PTPRD: variants seen among roughly 807,000 people sequenced by gnomAD.
PTPRD encodes receptor-type tyrosine-protein phosphatase delta.
A neutral mutation model predicts 214.5 loss-of-function variants in PTPRD; 34 were observed. The observed-to-expected ratio is 0.16, with a 90% CI of 0.12 to 0.21. The LOEUF (loss-of-function observed/expected upper bound fraction) is 0.21, where lower values mean the gene tolerates loss of function less well. PTPRD is among the 10% of genes least tolerant of loss of function. The pLI, the probability that PTPRD is intolerant of heterozygous loss-of-function variation, is 1.00. For synonymous variants in PTPRD, 1,128 were observed against 845.7 expected, an observed-to-expected ratio of 1.33 and a Z score of -5.79; for missense variants, 2,545 against 2,398.7, an observed-to-expected ratio of 1.06 and a Z score of -1.27.
At chr9:8,587,122 C>G (rs542481216) in intron 14 of PTPRD, among the ~76,000 whole-genome samples, 1 of 152,148 alleles carries the variant, frequency 6.6e-6, no homozygotes, top group Non-Finnish European at 1.5e-5. Context: ...TGCACTCCAG[C>G]CTGGGCGACA....
chr9:10,502,770 T>A (rs182313559), intron 2 of PTPRD, among the ~76,000 whole-genome samples: 6 of 152,166 alleles, frequency 3.9e-5, no homozygotes, highest in African/African-American at 1.4e-4. Context: ...AAGAAACCAG[T>A]TGACCCATAA....
intron 11 of PTPRD, among the ~76,000 whole-genome samples, chr9:9,016,570 C>A (rs1028846128): frequency 6.6e-6 from 1 of 152,124 alleles, no homozygotes. Context: ...AAGGCACCCA[C>A]AGCAGGATAT....
chr9:8,801,965 CACTT>C (rs1036740962), intron 11 of PTPRD, among the ~76,000 whole-genome samples: 1 of 152,124 alleles, frequency 6.6e-6, no homozygotes, highest in Admixed American at 6.6e-5. Context: ...AGATAATTCC[CACTT>C]ACTTTACCTC....
At chr9:8,700,394 G>A (rs1043311700) in intron 12 of PTPRD, among the ~76,000 whole-genome samples, 2 of 152,160 alleles carry the variant, frequency 1.3e-5, no homozygotes, top group Non-Finnish European at 1.5e-5. Flanking sequence ...TTATCATCAT[G>A]ATGTACTTAA....
At chr9:8,414,064 A>G (rs879558173) in intron 35 of PTPRD, among the ~76,000 whole-genome samples, 7 of 152,224 alleles carry the variant, frequency 4.6e-5, no homozygotes, top group Non-Finnish European at 1.0e-4. Context: ...TGGAATGAAT[A>G]GCTAAGATAC....
At position 10,483,519 on chromosome 9, in the gene PTPRD, A is replaced by G. The variant is rs12115675; in HGVS notation, c.-600+128879T>C. ...TACAGAATGAAAAAAAAAATTGTCA[A>G]CTCTGCACCTGACAAAAGACTAATA... is the stretch of plus-strand genomic sequence containing the variant. On this transcript the variant is annotated intron_variant, in intron 2 of 45. Transcript: ENST00000381196. 6.5e-3 allele frequency among the ~76,000 whole-genome samples: 991 copies of G among 152,140 alleles called. 8 individuals are homozygous for G. The highest frequency in any genetic ancestry group is 9.4e-3 in the Non-Finnish European group (637 of 67,968).
intron 4 of PTPRD, among the ~76,000 whole-genome samples, chr9:10,008,091 A>G (rs1371306170): frequency 6.6e-6 from 1 of 151,926 alleles, no homozygotes; most frequent in Non-Finnish European, 1.5e-5. Flanking sequence ...AATTTGATAA[A>G]AGGTGAGAAA....
At chr9:10,413,442 G>A (rs1382071147) in intron 2 of PTPRD, among the ~76,000 whole-genome samples, 2 of 151,754 alleles carry the variant, frequency 1.3e-5, no homozygotes, top group African/African-American at 4.8e-5. Flanking sequence ...ACAAAATATT[G>A]CCCAAAGAAT....
At chr9:8,728,722 G>A (rs1407975573) in intron 12 of PTPRD, among the ~76,000 whole-genome samples, 10 of 152,272 alleles carry the variant, frequency 6.6e-5, no homozygotes, top group South Asian at 4.1e-4. Flanking sequence ...GCTCACACCT[G>A]TAATACCAGC....
chr9:9,404,210 G>C (rs1036947705), intron 8 of PTPRD, among the ~76,000 whole-genome samples: 3 of 152,058 alleles, frequency 2.0e-5, no homozygotes, highest in Non-Finnish European at 1.5e-5. Context: ...AGTCATTGGA[G>C]GGTTTTAAGA....
At chr9:9,064,218 T>C (rs901156204) in intron 10 of PTPRD, among the ~76,000 whole-genome samples, 1 of 152,196 alleles carries the variant, frequency 6.6e-6, no homozygotes, top group Non-Finnish European at 1.5e-5. Flanking sequence ...GTATATTGTT[T>C]GTTATTGCTA....
chr9:8,430,050 T>C (rs1249753323), intron 35 of PTPRD, among the ~76,000 whole-genome samples: 1 of 152,080 alleles, frequency 6.6e-6, no homozygotes, highest in Non-Finnish European at 1.5e-5. Flanking sequence ...TCAGAAAAAA[T>C]GCTGTTGTTG....
At chr9:10,174,923 A>C (rs1010745677) in intron 3 of PTPRD, among the ~76,000 whole-genome samples, 8 of 152,128 alleles carry the variant, frequency 5.3e-5, no homozygotes, top group Non-Finnish European at 7.4e-5. Context: ...GGTAATCAGT[A>C]AAATTAGTAA....
At chr9:8,506,822 T>C (rs2097551368) in intron 22 of PTPRD, among the ~76,000 whole-genome samples, 1 of 152,210 alleles carries the variant, frequency 6.6e-6, no homozygotes, top group Non-Finnish European at 1.5e-5. Context: ...TCATACCAAA[T>C]ACTTTTTAGC....
chr9:10,560,863 A>G (rs556883409), intron 2 of PTPRD, among the ~76,000 whole-genome samples: 2 of 152,304 alleles, frequency 1.3e-5, no homozygotes, highest in African/African-American at 4.8e-5. Flanking sequence ...TACAGCATAA[A>G]TATAGAGCCT....
At chr9:8,437,269 T>G in intron 34 of PTPRD, 1 of 1,465,562 alleles carries the variant, frequency 6.8e-7, no homozygotes, top group Non-Finnish European at 9.1e-7. Flanking sequence ...GTAAATAAAA[T>G]AAAATAGAAC....
chr9:10,032,258 G>A (rs956446686), intron 4 of PTPRD, among the ~76,000 whole-genome samples: 1 of 152,052 alleles, frequency 6.6e-6, no homozygotes, highest in African/African-American at 2.4e-5. Flanking sequence ...TCTCTTCATA[G>A]TGTAACATCT....
At chr9:8,328,873 C>A (rs957232988) in intron 44 of PTPRD, among the ~76,000 whole-genome samples, 1 of 151,900 alleles carries the variant, frequency 6.6e-6, no homozygotes, top group East Asian at 1.9e-4. Flanking sequence ...TTTTTCAGCT[C>A]CATCAGGTCA....
intron 9 of PTPRD, among the ~76,000 whole-genome samples, chr9:9,364,494 A>G (rs1175550813): frequency 6.6e-6 from 1 of 151,446 alleles, no homozygotes; most frequent in East Asian, 1.9e-4. Context: ...ATATTTGAGC[A>G]AATTGTTGAA....
Sources: allele counts gnomAD v4.1 joint callset (sites outside exome capture counted in the v4.1 genomes callset), GRCh38; gene constraint gnomAD v4.1.1; transcripts MANE v1.5; gene names NCBI Gene and HGNC (gene_info 2026-07-23, HGNC 2026-07-21).